Variants in MGMT observed in about 807,000 individuals in gnomAD.
The protein encoded by MGMT is O-6-methylguanine-DNA methyltransferase, also known as methylated-DNA--protein-cysteine methyltransferase.
Under a neutral mutation model 15.9 loss-of-function variants are expected in MGMT, and 14 were observed. The ratio of observed to expected loss-of-function variants is 0.88; its 90% CI spans 0.58 to 1.37. The LOEUF (loss-of-function observed/expected upper bound fraction) is 1.37, where lower values mean the gene tolerates loss of function less well. Among genes scored for constraint, MGMT ranks in the 40% most tolerant of loss-of-function variants. The probability of loss-of-function intolerance (pLI) is 0.00; values close to 1 mark genes in which losing one functional copy is unlikely to be tolerated. For missense variants in MGMT, 282 were observed against 268.1 expected (o/e 1.05, Z -0.36); for synonymous variants, 130 against 118.2 (o/e 1.10, Z -0.65).
chr10:129,595,681 T>C (rs1414641677), intron 2 of MGMT, among the ~76,000 whole-genome samples: 4 of 152,088 alleles, frequency 2.6e-5, no homozygotes, highest in Non-Finnish European at 4.4e-5. Flanking sequence ...TCCTTGTGAG[T>C]AGGAGTCACT....
At chr10:129,694,916 CT>C (rs1446748757) in intron 2 of MGMT, among the ~76,000 whole-genome samples, 1 of 152,190 alleles carries the variant, frequency 6.6e-6, no homozygotes, top group Non-Finnish European at 1.5e-5. Context: ...TTTTCTGCTT[CT>C]TGTAATCTAC....
At chr10:129,654,189 C>G (rs943655421) in intron 2 of MGMT, among the ~76,000 whole-genome samples, 2 of 152,082 alleles carry the variant, frequency 1.3e-5, no homozygotes, top group African/African-American at 4.8e-5. Flanking sequence ...GTGAGGTAGC[C>G]CATCTGTGGT....
Position 129,500,844 on chromosome 10 carries a change from C to T in MGMT, c.-13+33548C>T, listed in dbSNP as rs373832290. 7.2e-5 allele frequency among the ~76,000 whole-genome samples: 11 copies of T among 152,330 alleles called. No homozygotes were observed. The South Asian group carries it at 8.3e-4, about 11-fold the overall frequency. The stretch of plus-strand genomic sequence containing the variant: ...GGGATTACAGACATGAGCCACCGCA[C>T]GCAGCCCAAATGTTAAGTGTATGAC... On this transcript the variant is annotated intron_variant, in intron 1 of 4. Coordinates refer to ENST00000651593, the MANE Select transcript of MGMT (RefSeq NM_002412.5).
intron 2 of MGMT, among the ~76,000 whole-genome samples, chr10:129,647,187 G>A (rs1025278207): frequency 2.6e-5 from 4 of 152,240 alleles, no homozygotes; most frequent in Admixed American, 6.5e-5. Context: ...CTGCGGAGGC[G>A]CCTGCGGAAT....
intron 2 of MGMT, among the ~76,000 whole-genome samples, chr10:129,547,954 G>T (rs1846115174): frequency 6.6e-6 from 1 of 152,230 alleles, no homozygotes; most frequent in African/African-American, 2.4e-5. Flanking sequence ...GTCCGGTGAG[G>T]TCTCTCGTCA....
chr10:129,738,231 G>T (rs2133168843), intron 3 of MGMT, among the ~76,000 whole-genome samples: 1 of 152,342 alleles, frequency 6.6e-6, no homozygotes, highest in South Asian at 2.1e-4. Flanking sequence ...GACCCTCCAA[G>T]CCAGGTGCGG....
intron 2 of MGMT, among the ~76,000 whole-genome samples, chr10:129,666,653 C>T (rs966856570): frequency 6.6e-6 from 1 of 152,128 alleles, no homozygotes; most frequent in African/African-American, 2.4e-5. Flanking sequence ...TCAATTTATT[C>T]TCTTTAACTT....
At chr10:129,644,723 A>C (rs1847366542) in intron 2 of MGMT, among the ~76,000 whole-genome samples, 1 of 152,214 alleles carries the variant, frequency 6.6e-6, no homozygotes, top group East Asian at 1.9e-4. Flanking sequence ...TTAGGAAAAA[A>C]AATAAAGCTA....
At position 129,657,650 on chromosome 10, in the gene MGMT, G is replaced by A. The variant is rs1003963824; in HGVS notation, c.126-50245G>A. ...CTGGAGGAGGAGCTGGAGCTGGGGG[G>A]GGGACAGGCTGGCCAGCTCCTCCAA... On this transcript the variant is annotated intron_variant, in intron 2 of 4. Transcript: ENST00000651593. 1.4e-3 allele frequency among the ~76,000 whole-genome samples: 214 copies of A among 148,636 alleles called. 2 individuals are homozygous for A. The highest frequency in any genetic ancestry group is 2.2e-4 in the Non-Finnish European group (15 of 67,492).
At position 129,770,091 on chromosome 10, in the gene MGMT, G is replaced by A. The variant is rs529469203; in HGVS notation, c.*3094G>A. ...TGCTAGCAACTGAAACCATCTCTGC[G>A]ACTTAAGCTTCTCTGGTGCGTCGCG... On this transcript the variant is annotated 3_prime_UTR_variant, in exon 5 of 5. Transcript: ENST00000651593. Among the ~76,000 whole-genome samples the A allele has an allele frequency of 2.9e-4, 44 of 152,262 alleles. No homozygotes were observed. Among genetic ancestry groups the A allele is most frequent in the African/African-American group, 8.9e-4 (37 of 41,546 alleles).
chr10:129,555,564 A>G (rs570729115), intron 2 of MGMT, among the ~76,000 whole-genome samples: 4 of 151,928 alleles, frequency 2.6e-5, no homozygotes, highest in Non-Finnish European at 4.4e-5. Context: ...AAAAAAAAAA[A>G]ATTATCCAGG....
At chr10:129,688,538 G>A (rs1847935834) in intron 2 of MGMT, among the ~76,000 whole-genome samples, 1 of 152,082 alleles carries the variant, frequency 6.6e-6, no homozygotes, top group Admixed American at 6.5e-5. Context: ...TGATGGTGTT[G>A]TTTGATTTTT....
At chr10:129,520,807 C>T (rs1014155588) in intron 1 of MGMT, among the ~76,000 whole-genome samples, 44 of 150,488 alleles carry the variant, frequency 2.9e-4, no homozygotes, top group African/African-American at 9.7e-4. Context: ...GGGTGCAGAG[C>T]CCCTACGGTG....
chr10:129,565,526 G>A (rs962846716), intron 2 of MGMT, among the ~76,000 whole-genome samples: 22 of 152,200 alleles, frequency 1.4e-4, no homozygotes, highest in African/African-American at 5.3e-4. Flanking sequence ...TATTGAAAAT[G>A]AATGTAAAAT....
intron 3 of MGMT, among the ~76,000 whole-genome samples, chr10:129,757,832 T>C (rs985644630): frequency 1.3e-5 from 2 of 152,216 alleles, no homozygotes; most frequent in Non-Finnish European, 2.9e-5. Flanking sequence ...TTCAGTTAAA[T>C]TGATTCATGA....
intron 2 of MGMT, among the ~76,000 whole-genome samples, chr10:129,638,256 T>C (rs1473350450): frequency 6.6e-6 from 1 of 151,902 alleles, no homozygotes; most frequent in African/African-American, 2.4e-5. Flanking sequence ...GCTACTTATC[T>C]TGTATGAGTC....
intron 2 of MGMT, among the ~76,000 whole-genome samples, chr10:129,654,284 G>C (rs575660048): frequency 1.7e-4 from 26 of 152,268 alleles, no homozygotes; most frequent in African/African-American, 6.0e-4. Flanking sequence ...AGGATGGAAA[G>C]GGGTGCAGGG....
chr10:129,687,890 T>C (rs1159417124), intron 2 of MGMT, among the ~76,000 whole-genome samples: 3 of 151,724 alleles, frequency 2.0e-5, no homozygotes, highest in East Asian at 2.0e-4. Context: ...ATGTTCCCCT[T>C]CCTGTGTCCA....
chr10:129,553,829 G>A (rs1475044739), intron 2 of MGMT, among the ~76,000 whole-genome samples: 1 of 152,146 alleles, frequency 6.6e-6, no homozygotes, highest in Non-Finnish European at 1.5e-5. Context: ...CCTTCTTTCT[G>A]TCTCCCGCTG....
Sources: allele counts gnomAD v4.1 joint callset (sites outside exome capture counted in the v4.1 genomes callset), GRCh38; gene constraint gnomAD v4.1.1; transcripts MANE v1.5; gene names NCBI Gene and HGNC (gene_info 2026-07-23, HGNC 2026-07-21).